Variants in STIM1 observed in about 807,000 individuals in gnomAD.
The protein encoded by STIM1 is stromal interaction molecule 1.
STIM1 carries 25 observed loss-of-function variants against 74.7 expected under a neutral mutation model. That is an observed-to-expected ratio of 0.33 (90% CI 0.24 to 0.47). The LOEUF (loss-of-function observed/expected upper bound fraction) is 0.47, where lower values mean the gene tolerates loss of function less well. Among genes scored for constraint, STIM1 ranks in the 20% least tolerant of loss-of-function variants. STIM1 has a pLI of 1.00. For synonymous variants in STIM1, 328 were observed against 348.8 expected (o/e 0.94, Z 0.66); for missense variants, 728 against 920.8 (o/e 0.79, Z 2.71).
intron 1 of STIM1, among the ~76,000 whole-genome samples, chr11:3,886,861 G>C (rs1343899410): frequency 6.6e-6 from 1 of 151,988 alleles, no homozygotes; most frequent in East Asian, 1.9e-4. Context: ...AATTAGCCAG[G>C]TGTGGTGGCG....
At chr11:4,088,767 C>T (rs1316779153) in intron 12 of STIM1, 1 of 1,534,962 alleles carries the variant, frequency 6.5e-7, no homozygotes, top group East Asian at 2.4e-5. Flanking sequence ...GAGTCCGAGG[C>T]AGCCCAGCCT....
chr11:3,945,492 G>T (rs1839910), intron 1 of STIM1, among the ~76,000 whole-genome samples: 1 of 151,866 alleles, frequency 6.6e-6, no homozygotes, highest in Admixed American at 6.6e-5. Context: ...CCAGCTACTC[G>T]GGAGGCTGAG....
Position 3,960,019 on chromosome 11 carries a change from G to A in STIM1, c.140-7533G>A, listed in dbSNP as rs182661267. 3.7e-4 allele frequency among the ~76,000 whole-genome samples: 56 copies of A among 152,280 alleles called. 1 individual carries two copies. Among genetic ancestry groups the A allele is most frequent in the African/African-American group, 1.2e-3 (51 of 41,558 alleles). On this transcript the variant is annotated intron_variant, in intron 1 of 12. Coordinates refer to ENST00000526596, the MANE Select transcript of STIM1 (RefSeq NM_001382567.1). Reference sequence around the variant, plus strand: ...TAGAAATCATTAATTTTATTGAATTGCATCCCATGAGTTCATGCCTTTTAG... The same window carrying A: ...TAGAAATCATTAATTTTATTGAATTACATCCCATGAGTTCATGCCTTTTAG...
chr11:4,064,468 G>C (rs2094352464), intron 5 of STIM1, among the ~76,000 whole-genome samples: 1 of 152,166 alleles, frequency 6.6e-6, no homozygotes, highest in Admixed American at 6.5e-5. Flanking sequence ...CAGACACTTA[G>C]ACCTCATCAT....
chr11:3,992,604 A>G (rs2093626885), intron 2 of STIM1, among the ~76,000 whole-genome samples: 1 of 152,058 alleles, frequency 6.6e-6, no homozygotes, highest in Non-Finnish European at 1.5e-5. Context: ...TGAAGCACAG[A>G]AGTTTTAAAT....
chr11:3,933,200 G>A (rs1427307422), intron 1 of STIM1, among the ~76,000 whole-genome samples: 7 of 152,282 alleles, frequency 4.6e-5, no homozygotes, highest in South Asian at 4.1e-4. Context: ...TAAGTCCTAG[G>A]TGTGTTGTTC....
chr11:4,005,754 A>G (rs2093773433), intron 2 of STIM1, among the ~76,000 whole-genome samples: 2 of 152,198 alleles, frequency 1.3e-5, no homozygotes, highest in South Asian at 4.1e-4. Flanking sequence ...AGATTATTCT[A>G]GTGTCTAATA....
intron 3 of STIM1, among the ~76,000 whole-genome samples, chr11:4,052,324 C>G (rs1325618668): frequency 6.6e-6 from 1 of 152,144 alleles, no homozygotes; most frequent in Non-Finnish European, 1.5e-5. Flanking sequence ...ATCATGCTAC[C>G]TGACTTCAAA....
intron 1 of STIM1, among the ~76,000 whole-genome samples, chr11:3,900,829 G>T (rs1301756037): frequency 6.6e-6 from 1 of 152,160 alleles, no homozygotes; most frequent in East Asian, 1.9e-4. Context: ...TCCCACCTTG[G>T]CTTCCCAAAG....
Position 3,967,618 on chromosome 11 carries a change from G to A in STIM1, c.206G>A (p.Arg69His), listed in dbSNP as rs376734394. The change falls in exon 2 of 13, where the codon CGT (arginine) becomes CAT (histidine). Residue 69 changes from arginine to histidine, a missense_variant. By Grantham distance (29) the Arg-to-His change is conservative (BLOSUM62 0). Transcript: ENST00000526596. ...EDEKLSFEAV[R>H]NIHKLMDDDA... is the part of the protein sequence containing the mutation. ...GAGAAACTCAGCTTCGAGGCAGTCC[G>A]TAACATCCACAAACTGATGGACGAT... is the stretch of plus-strand genomic sequence containing the variant. 8 of 1,614,096 alleles carry A rather than the reference G, an allele frequency of 5.0e-6. No individual in the cohort carries two copies. Among genetic ancestry groups the A allele is most frequent in the African/African-American group, 1.3e-5 (1 of 74,928 alleles).
At chr11:4,049,757 CACACACAT>C (rs765846980) in intron 3 of STIM1, 12,683 of 118,552 alleles carry the variant, frequency 0.11, 811 homozygotes, top group South Asian at 0.26. Context: ...CACACACACA[CACACACAT>C]GCTTAGAACG....
upstream of STIM1, chr11:3,854,697 C>G (rs564764980): frequency 4.6e-5 from 7 of 151,964 alleles, no homozygotes; most frequent in African/African-American, 1.4e-4. Context: ...ATTTACAGGC[C>G]CCACCGAAAA....
At chr11:3,993,065 G>GA (rs200224671) in intron 2 of STIM1, among the ~76,000 whole-genome samples, 5,683 of 132,638 alleles carry the variant, frequency 0.043, 270 homozygotes, top group African/African-American at 0.13. Flanking sequence ...GAGCTTTTTT[G>GA]AAAAAAAAAA....
At chr11:4,035,762 A>G (rs1016886766) in intron 3 of STIM1, among the ~76,000 whole-genome samples, 15 of 150,490 alleles carry the variant, frequency 1.0e-4, no homozygotes, top group Admixed American at 6.6e-5. Context: ...GACATGGTCT[A>G]TCTTGTTAAA....
At chr11:4,007,845 A>T (rs1458656950) in intron 2 of STIM1, among the ~76,000 whole-genome samples, 1 of 152,120 alleles carries the variant, frequency 6.6e-6, no homozygotes, top group Non-Finnish European at 1.5e-5. Context: ...GAGCTGTGGG[A>T]AAATGGAGAG....
intron 7 of STIM1, among the ~76,000 whole-genome samples, chr11:4,081,071 G>T (rs915840108): frequency 2.0e-5 from 3 of 152,096 alleles, no homozygotes; most frequent in African/African-American, 7.2e-5. Flanking sequence ...GAATAAAGGT[G>T]TTCTGTCCCT....
At chr11:3,928,226 CA>C (rs1455318531) in intron 1 of STIM1, among the ~76,000 whole-genome samples, 56 of 139,766 alleles carry the variant, frequency 4.0e-4, no homozygotes, top group South Asian at 1.7e-3. Context: ...CGTAACAGTC[CA>C]TTTTTTTTTT....
Position 4,026,067 on chromosome 11 carries a change from G to A in STIM1, c.385+2080G>A, listed in dbSNP as rs770266595. ...TCAGAAAAAGGCCCCTAATCTCTCC[G>A]GAGTGATGATTTCCAGAGCTACAAA... On this transcript the variant is annotated intron_variant, in intron 3 of 12. Transcript: ENST00000526596. Among the ~76,000 whole-genome samples, 6 of 152,100 alleles carry A rather than the reference G, an allele frequency of 3.9e-5. No individual in the cohort carries two copies. In the South Asian group the frequency reaches 6.2e-4, roughly 16 times the overall value.
intron 1 of STIM1, among the ~76,000 whole-genome samples, chr11:3,860,852 C>G (rs1306019968): frequency 1.3e-5 from 2 of 152,126 alleles, no homozygotes; most frequent in African/African-American, 4.8e-5. Flanking sequence ...GAACTTAGGG[C>G]TACTGAAGAA....
Sources: allele counts gnomAD v4.1 joint callset (sites outside exome capture counted in the v4.1 genomes callset), GRCh38; gene constraint gnomAD v4.1.1; transcripts MANE v1.5; gene names NCBI Gene and HGNC (gene_info 2026-07-23, HGNC 2026-07-21).